Variants in PIAS2 observed in about 807,000 individuals in gnomAD.
PIAS2 encodes E3 SUMO-protein ligase PIAS2.
A neutral mutation model predicts 69.7 loss-of-function variants in PIAS2; 19 were observed. The observed-to-expected ratio is 0.27, with a 90% CI of 0.19 to 0.40. The LOEUF is 0.40. PIAS2 is among the 10% of genes least tolerant of loss of function. The probability of loss-of-function intolerance (pLI) is 1.00; values close to 1 mark genes in which losing one functional copy is unlikely to be tolerated. For missense variants in PIAS2, 624 were observed against 757.0 expected (o/e 0.82, Z 2.06); for synonymous variants, 261 against 263.2 (o/e 0.99, Z 0.08).
At chr18:46,911,367 C>T (rs1219121864) in intron 1 of PIAS2, among the ~76,000 whole-genome samples, 1 of 152,008 alleles carries the variant, frequency 6.6e-6, no homozygotes, top group Non-Finnish European at 1.5e-5. Context: ...AGGTGCCCAC[C>T]ACCACGTCGG....
chr18:46,824,886 G>C (rs1044438782), intron 11 of PIAS2, among the ~76,000 whole-genome samples: 2 of 150,926 alleles, frequency 1.3e-5, no homozygotes, highest in African/African-American at 4.9e-5. Flanking sequence ...GGTAGTTCCA[G>C]CTACTTGGAG....
intron 9 of PIAS2, among the ~76,000 whole-genome samples, chr18:46,832,774 C>T (rs368680844): frequency 6.6e-6 from 1 of 151,760 alleles, no homozygotes; most frequent in Non-Finnish European, 1.5e-5. Context: ...TGCCTGTAAT[C>T]CCAGCTACTG....
intron 2 of PIAS2, among the ~76,000 whole-genome samples, chr18:46,879,193 A>G (rs1369268973): frequency 6.6e-6 from 1 of 152,228 alleles, no homozygotes. Context: ...GGGTAGGAGC[A>G]GGACTTCTAA....
At chr18:46,838,669 A>G (rs528843410) in intron 8 of PIAS2, among the ~76,000 whole-genome samples, 1 of 152,334 alleles carries the variant, frequency 6.6e-6, no homozygotes, top group Non-Finnish European at 1.5e-5. Flanking sequence ...AGAATCTTAC[A>G]GTATGCCCAA....
chr18:46,888,345 A>G (rs2053530840), intron 2 of PIAS2, among the ~76,000 whole-genome samples: 1 of 146,474 alleles, frequency 6.8e-6, no homozygotes, highest in Admixed American at 6.9e-5. Context: ...ATTCACTACA[A>G]TTCCTCTCAA....
chr18:46,807,024 G>C lies in PIAS2; in HGVS notation c.*5409C>G, dbSNP rs1459839898. 1.3e-5 allele frequency: 2 copies of C among 151,676 alleles called. No individual in the cohort carries two copies. Among genetic ancestry groups the C allele is most frequent in the African/African-American group, 4.8e-5 (2 of 41,266 alleles). 9.4% of individuals were successfully genotyped at this position (151,676 alleles called of 1,614,324 possible). On this transcript the variant is annotated 3_prime_UTR_variant, in exon 14 of 14. Coordinates refer to ENST00000585916, the MANE Select transcript of PIAS2 (RefSeq NM_004671.5). ...TATTGGAAACATAAGGGAATATAAA[G>C]TGAAAACAGGCAATGTTTGCCTGTT...
chr18:46,855,423 T>C lies in PIAS2; in HGVS notation c.648A>G (p.Ala216=), dbSNP rs2047591777. 6.2e-7 allele frequency: 1 copy of C among 1,612,124 alleles called. No individual in the cohort carries two copies. Among genetic ancestry groups the C allele is most frequent in the Non-Finnish European group, 8.5e-7 (1 of 1,178,762 alleles). Residue 216 remains alanine (A), a synonymous_variant, in exon 5 of 14, where the codon GCA becomes GCG. Coordinates refer to ENST00000585916, the MANE Select transcript of PIAS2 (RefSeq NM_004671.5). ...TATCTTCTTGAGGGCAACTTGTCTC[T>C]GCCAGGCAAAGTCTGCATTAATAAA... is the stretch of plus-strand genomic sequence containing the variant. ...TVQVQLRLCL[A]ETSCPQEDNY... is the part of the protein sequence containing the mutation.
At chr18:46,814,350 A>T (rs967134871) in intron 13 of PIAS2, among the ~76,000 whole-genome samples, 1 of 152,022 alleles carries the variant, frequency 6.6e-6, no homozygotes, top group Non-Finnish European at 1.5e-5. Context: ...TTCCAAGATA[A>T]TTTTTTTTAA....
At chr18:46,909,466 T>A (rs2057010344) in intron 1 of PIAS2, among the ~76,000 whole-genome samples, 1 of 152,146 alleles carries the variant, frequency 6.6e-6, no homozygotes, top group African/African-American at 2.4e-5. Context: ...CAGGCTGGTC[T>A]CAAACTCCTG....
At chr18:46,918,464 G>A (rs1010922747), upstream of PIAS2, among the ~76,000 whole-genome samples, 1 of 152,046 alleles carries the variant, frequency 6.6e-6, no homozygotes, top group Non-Finnish European at 1.5e-5. Context: ...CGCAAGTTTT[G>A]TTTTTTTGAG....
At chr18:46,891,313 CCACTT>C in intron 1 of PIAS2, 2 of 550,590 alleles carry the variant, frequency 3.6e-6, no homozygotes, top group South Asian at 3.8e-5. Flanking sequence ...TTTCTACTAA[CCACTT>C]CATTATCTGA....
At chr18:46,879,396 A>T (rs1429651954) in intron 2 of PIAS2, among the ~76,000 whole-genome samples, 4 of 148,166 alleles carry the variant, frequency 2.7e-5, no homozygotes, top group South Asian at 4.3e-4. Context: ...AAAAAAAAAT[A>T]GTAATAATAG....
At chr18:46,841,656 T>G (rs2045405747) in intron 8 of PIAS2, among the ~76,000 whole-genome samples, 1 of 152,230 alleles carries the variant, frequency 6.6e-6, no homozygotes, top group Admixed American at 6.5e-5. Flanking sequence ...AGAGTAGCAT[T>G]CATTCTTTTC....
intron 1 of PIAS2, among the ~76,000 whole-genome samples, chr18:46,911,115 A>G (rs2057210174): frequency 6.6e-6 from 1 of 152,176 alleles, no homozygotes; most frequent in African/African-American, 2.4e-5. Context: ...GTCTACCAAG[A>G]CAAGCTGAAT....
At chr18:46,896,459 T>C (rs1489601523) in intron 1 of PIAS2, among the ~76,000 whole-genome samples, 1 of 152,180 alleles carries the variant, frequency 6.6e-6, no homozygotes, top group African/African-American at 2.4e-5. Context: ...CATGAATAAA[T>C]TCCACCAAGC....
intron 13 of PIAS2, among the ~76,000 whole-genome samples, chr18:46,813,967 G>A (rs2041243242): frequency 6.6e-6 from 1 of 152,096 alleles, no homozygotes; most frequent in South Asian, 2.1e-4. Flanking sequence ...CTAAAACTGG[G>A]GGGTAAATCT....
At chr18:46,836,697 A>G (rs562921887) in intron 8 of PIAS2, among the ~76,000 whole-genome samples, 180 bp from the exon 9 acceptor site, 2 of 152,328 alleles carry the variant, frequency 1.3e-5, no homozygotes, top group East Asian at 1.9e-4. Context: ...TGACTGCCCT[A>G]TGATTTTTGA....
chr18:46,821,007 A>G lies in PIAS2; in HGVS notation c.1574T>C (p.Ile525Thr). Residue 525 changes from isoleucine (I) to threonine (T), a missense_variant, in exon 12 of 14, where the codon ATT becomes ACT. Coordinates refer to ENST00000585916, the MANE Select transcript of PIAS2 (RefSeq NM_004671.5). ...PSVTSVDPAA[I>T]PPSLTDYSVP... ...TGAGTAGTCTGTTAATGAAGGCGGA[A>G]TAGCAGCAGGATCAACCGAAGTCAC... The G allele has an allele frequency of 6.2e-7, 1 of 1,613,560 alleles. No individual in the cohort carries two copies. The highest frequency in any genetic ancestry group is 2.2e-5 in the East Asian group (1 of 44,878).
rs1599227495 is a variant in PIAS2, at chr18:46,811,290, T to A, written c.*1143A>T. 1 of 152,052 alleles carries A rather than the reference T, an allele frequency of 6.6e-6. No individual in the cohort carries two copies. The highest frequency in any genetic ancestry group is 1.9e-4 in the East Asian group (1 of 5,192). The allele number at this position is 152,052 out of a possible 1,614,324, so 9.4% of individuals were successfully genotyped here. ...GAAAAAAAAAAAAAATCTAATGCTG[T>A]CCCTTTCCCTAAGTTTGAAAATCAC... On this transcript the variant is annotated 3_prime_UTR_variant, in exon 14 of 14. Transcript: ENST00000585916.
Sources: gnomAD v4.1 joint callset for allele counts (sites outside exome capture counted in the v4.1 genomes callset) on GRCh38, gnomAD v4.1.1 for gene constraint, MANE v1.5 for transcripts, NCBI Gene and HGNC (gene_info 2026-07-23, HGNC 2026-07-21) for gene names.